The following CD302 variants were observed in gnomAD, a reference collection of about 807,000 sequenced individuals.
CD302 encodes the protein CD302 antigen.
In CD302, 23 loss-of-function variants were observed where a neutral mutation model predicts 26.5. The observed-to-expected ratio is 0.87, with a 90% CI of 0.62 to 1.23. The LOEUF is 1.23. Ranked by LOEUF, CD302 falls within the 50% of genes most tolerant of loss-of-function variation. CD302 has a pLI of 0.00. For synonymous variants in CD302, 90 were observed against 99.4 expected (o/e 0.91, Z 0.56); for missense variants, 290 against 275.5 (o/e 1.05, Z -0.37).
At position 159,798,133 on chromosome 2, in the gene CD302, C is replaced by CGCGACGGCAGCAGCGGCGAGGCCCA. The variant is rs1682528456; in HGVS notation, c.41_65dup (p.Asp23GlyfsTer44). 1.3e-6 allele frequency: 2 copies of CGCGACGGCAGCAGCGGCGAGGCCCA among 1,487,628 alleles called. No homozygotes were observed. Among genetic ancestry groups the CGCGACGGCAGCAGCGGCGAGGCCCA allele is most frequent in the Non-Finnish European group, 1.8e-6 (2 of 1,124,536 alleles). The allele number at this position is 1,487,628 out of a possible 1,614,324, so 92.2% of individuals were successfully genotyped here. ...GCGAGGGACTACGTAAGGGCTTACC[C>CGCGACGGCAGCAGCGGCGAGGCCCA]GCGACGGCAGCAGCGGCGAGGCCCA... On this transcript the variant is annotated frameshift_variant and splice_region_variant, in exon 1 of 6. Transcript: ENST00000259053. LOFTEE classifies it high-confidence loss of function.
intron 2 of CD302, among the ~76,000 whole-genome samples, chr2:159,782,414 CAAAAAAAAAAA>C (rs72068957): frequency 8.5e-5 from 6 of 70,728 alleles, no homozygotes; most frequent in Non-Finnish European, 1.2e-4. Flanking sequence ...CTCCATCTCA[CAAAAAAAAAAA>C]AAAAAAAAAA....
intron 5 of CD302, among the ~76,000 whole-genome samples, chr2:159,773,711 A>G (rs2125791317): frequency 6.6e-6 from 1 of 152,338 alleles, no homozygotes; most frequent in Non-Finnish European, 1.5e-5. Flanking sequence ...AAGGCAACTG[A>G]TAAGCAGTGT....
chr2:159,785,671 T>C (rs1708647067), intron 1 of CD302, among the ~76,000 whole-genome samples: 1 of 132,560 alleles, frequency 7.5e-6, no homozygotes, highest in Admixed American at 7.1e-5. Context: ...TTCTGCCACC[T>C]TCTTTGAAAA....
chr2:159,775,869 C>T (rs919775492), intron 5 of CD302, among the ~76,000 whole-genome samples: 3 of 149,806 alleles, frequency 2.0e-5, no homozygotes, highest in African/African-American at 7.4e-5. Flanking sequence ...AGAATTTGGC[C>T]TTTTATGACT....
intron 5 of CD302, among the ~76,000 whole-genome samples, chr2:159,775,630 GTAATT>G (rs1250264873): frequency 1.3e-5 from 2 of 152,140 alleles, no homozygotes; most frequent in Non-Finnish European, 2.9e-5. Flanking sequence ...TTTTAAAAAT[GTAATT>G]TAAAGAAATA....
intron 1 of CD302, among the ~76,000 whole-genome samples, chr2:159,783,796 TAC>T (rs1708587490): frequency 6.6e-6 from 1 of 152,196 alleles, no homozygotes; most frequent in Non-Finnish European, 1.5e-5. Context: ...CAATCAGGAT[TAC>T]ACACTTCTCT....
chr2:159,774,973 C>CTT (rs1708266481), intron 5 of CD302, among the ~76,000 whole-genome samples: 1 of 152,206 alleles, frequency 6.6e-6, no homozygotes, highest in South Asian at 2.1e-4. Flanking sequence ...CAGGCTTTCA[C>CTT]TTTGACTTTA....
intron 1 of CD302, among the ~76,000 whole-genome samples, chr2:159,794,190 A>C (rs1034050764): frequency 2.0e-5 from 3 of 151,576 alleles, no homozygotes; most frequent in Non-Finnish European, 4.4e-5. Context: ...ACTTGAGCCC[A>C]GCAGGTCAAG....
intron 1 of CD302, among the ~76,000 whole-genome samples, chr2:159,792,911 G>T (rs2125815145): frequency 6.6e-6 from 1 of 152,208 alleles, no homozygotes; most frequent in East Asian, 1.9e-4. Context: ...ATCAGAGTGT[G>T]TGCCCCAGAA....
At chr2:159,774,147 T>C (rs1292709129) in intron 5 of CD302, among the ~76,000 whole-genome samples, 1 of 152,008 alleles carries the variant, frequency 6.6e-6, no homozygotes, top group African/African-American at 2.4e-5. Context: ...ACTGCTCTAT[T>C]TTTCAGACGA....
intron 2 of CD302, among the ~76,000 whole-genome samples, chr2:159,782,006 C>G (rs1560045728): frequency 6.6e-6 from 1 of 152,184 alleles, no homozygotes. Flanking sequence ...GTGGCTCACA[C>G]CTGTAATCCC....
chr2:159,770,999 A>G lies in CD302; in HGVS notation c.*852T>C, dbSNP rs1176521362. 6.6e-6 allele frequency: 1 copy of G among 152,184 alleles called. No individual in the cohort carries two copies. The highest frequency in any genetic ancestry group is 2.4e-5 in the African/African-American group (1 of 41,448). The allele number at this position is 152,184 out of a possible 1,614,324, so 9.4% of individuals were successfully genotyped here. ...TCACCTTTTTCTTAAAATGTACAATAAATGCACTGAAAACTTTGATCACTG... is the reference window on the plus strand; with the variant it reads ...TCACCTTTTTCTTAAAATGTACAATGAATGCACTGAAAACTTTGATCACTG... On this transcript the variant is annotated 3_prime_UTR_variant, in exon 6 of 6. Coordinates refer to ENST00000259053, the MANE Select transcript of CD302 (RefSeq NM_014880.5).
At chr2:159,776,701 T>A (rs950284695) in intron 5 of CD302, among the ~76,000 whole-genome samples, 1 of 26,070 alleles carries the variant, frequency 3.8e-5, no homozygotes, top group African/African-American at 1.4e-4. Context: ...CATCCAATTT[T>A]TTTTTTTTTT....
At chr2:159,777,777 T>G (rs1487229185) in intron 5 of CD302, among the ~76,000 whole-genome samples, 161 bp downstream of exon 5, 1 of 152,182 alleles carries the variant, frequency 6.6e-6, no homozygotes. Context: ...ATATTTAAAA[T>G]GTTGAGTCTT....
chr2:159,776,200 T>C (rs1708318640), intron 5 of CD302, among the ~76,000 whole-genome samples: 1 of 151,980 alleles, frequency 6.6e-6, no homozygotes, highest in African/African-American at 2.4e-5. Flanking sequence ...GGTTTATGCA[T>C]GTTGTAGCAC....
intron 5 of CD302, among the ~76,000 whole-genome samples, chr2:159,777,360 T>C (rs180826361): frequency 1.8e-4 from 28 of 152,298 alleles, no homozygotes; most frequent in African/African-American, 6.3e-4. Flanking sequence ...TAAAAATAAA[T>C]TGACAATACC....
At chr2:159,787,519 T>C (rs2125809746) in intron 1 of CD302, among the ~76,000 whole-genome samples, 1 of 152,318 alleles carries the variant, frequency 6.6e-6, no homozygotes, top group African/African-American at 2.4e-5. Context: ...AATTATAATA[T>C]GTGACCTTGA....
chr2:159,798,176 G>A lies in CD302; in HGVS notation c.23C>T (p.Ala8Val). The A allele has an allele frequency of 6.8e-7, 1 of 1,478,762 alleles. No individual in the cohort carries two copies. The highest frequency in any genetic ancestry group is 8.9e-7 in the Non-Finnish European group (1 of 1,120,960). The allele number at this position is 1,478,762 out of a possible 1,614,324, so 91.6% of individuals were successfully genotyped here. The stretch of plus-strand genomic sequence containing the variant: ...GAGGCCCAGCAACGGCAGCAGGAGC[G>A]CGGGCAGCGCGGCCCGGAGCATGAC... MLRAALP[A>V]LLLPLLGLAA... is the part of the protein sequence containing the mutation. The change falls in exon 1 of 6, where the codon GCG (alanine) becomes GTG (valine). Residue 8 changes from alanine (A) to valine (V), a missense_variant. Transcript: ENST00000259053.
intron 1 of CD302, among the ~76,000 whole-genome samples, chr2:159,797,430 C>CGTT (rs943527171): frequency 1.3e-5 from 2 of 152,100 alleles, no homozygotes; most frequent in Non-Finnish European, 2.9e-5. Context: ...ATAAAGACCA[C>CGTT]GGTCAATAGA....
Sources: gnomAD v4.1 joint callset for allele counts (sites outside exome capture counted in the v4.1 genomes callset) on GRCh38, gnomAD v4.1.1 for gene constraint, MANE v1.5 for transcripts, NCBI Gene and HGNC (gene_info 2026-07-23, HGNC 2026-07-21) for gene names.